The following CARNMT1 variants were observed in gnomAD, a reference collection of about 807,000 sequenced individuals.
CARNMT1 encodes protein-L-histidine N-pros-methyltransferase CARNMT1.
CARNMT1 carries 28 observed loss-of-function variants against 49.6 expected under a neutral mutation model. The ratio of observed to expected loss-of-function variants is 0.56; its 90% CI spans 0.42 to 0.77. The LOEUF (loss-of-function observed/expected upper bound fraction) is 0.77, where lower values mean the gene tolerates loss of function less well. Among genes scored for constraint, CARNMT1 ranks in the 30% least tolerant of loss-of-function variants. CARNMT1 has a pLI of 0.00. For synonymous variants in CARNMT1, 178 were observed against 175.0 expected, an observed-to-expected ratio of 1.02 and a Z score of -0.13; for missense variants, 421 against 512.6, an observed-to-expected ratio of 0.82 and a Z score of 1.73.
chr9:75,009,474 T>C (rs1380153858), intron 3 of CARNMT1, among the ~76,000 whole-genome samples: 1 of 152,098 alleles, frequency 6.6e-6, no homozygotes, highest in Non-Finnish European at 1.5e-5. Context: ...ATATTCCTAC[T>C]ACTCTGATGC....
intron 2 of CARNMT1, chr9:75,016,638 T>C: frequency 1.9e-6 from 1 of 524,282 alleles, no homozygotes; most frequent in Non-Finnish European, 3.3e-6. Context: ...TTAAGGTCCA[T>C]TAATCATAAA....
chr9:74,985,681 G>A (rs1832814738), intron 6 of CARNMT1, among the ~76,000 whole-genome samples: 1 of 152,072 alleles, frequency 6.6e-6, no homozygotes, highest in South Asian at 2.1e-4. Context: ...CCAGGTTCAA[G>A]TGATTTTCCT....
chr9:74,997,630 T>G (rs2118786299), intron 5 of CARNMT1, among the ~76,000 whole-genome samples: 1 of 152,206 alleles, frequency 6.6e-6, no homozygotes, highest in Middle Eastern at 3.4e-3. Flanking sequence ...TGCCTTCAAA[T>G]ATCTCAGTGG....
chr9:74,992,221 G>A (rs979795536), intron 6 of CARNMT1, among the ~76,000 whole-genome samples: 4 of 151,700 alleles, frequency 2.6e-5, no homozygotes, highest in African/African-American at 2.4e-5. Flanking sequence ...GCAGTGAGCC[G>A]AGATGGTACC....
intron 3 of CARNMT1, 163 bp downstream of exon 3, chr9:75,016,105 A>T: frequency 2.1e-6 from 1 of 485,666 alleles, no homozygotes; most frequent in Non-Finnish European, 3.6e-6. Flanking sequence ...TAACAACTGT[A>T]ATCTCACACA....
At chr9:74,995,474 T>C (rs949322120) in intron 6 of CARNMT1, among the ~76,000 whole-genome samples, 3 of 152,160 alleles carry the variant, frequency 2.0e-5, no homozygotes, top group Non-Finnish European at 4.4e-5. Flanking sequence ...AAAGAAGACT[T>C]ACAGTTTGGG....
chr9:74,998,868 A>T (rs1014942135), intron 4 of CARNMT1, 92 bp from the exon 5 acceptor site: 4 of 667,214 alleles, frequency 6.0e-6, no homozygotes, highest in Non-Finnish European at 9.2e-6. Context: ...TTAATTGAAG[A>T]TTTGCATATA....
intron 3 of CARNMT1, among the ~76,000 whole-genome samples, chr9:75,014,718 G>A (rs1390474902): frequency 6.6e-6 from 1 of 152,096 alleles, no homozygotes; most frequent in African/African-American, 2.4e-5. Context: ...ATAGTGGTAG[G>A]TGTCTGTAAT....
rs1832704402 is a variant in CARNMT1, at chr9:74,981,992, G to A, written c.*1775C>T. On this transcript the variant is annotated 3_prime_UTR_variant, in exon 8 of 8. Coordinates refer to ENST00000376834, the MANE Select transcript of CARNMT1 (RefSeq NM_152420.3). ...TTTCCACCAAATGAACATCTGCTAA[G>A]TATTGAGGGACACAAAAAAGAGAAA... 1 of 143,140 alleles carries A rather than the reference G, an allele frequency of 7.0e-6. No individual in the cohort carries two copies. Among genetic ancestry groups the A allele is most frequent in the South Asian group, 2.2e-4 (1 of 4,602 alleles). 8.9% of individuals were successfully genotyped at this position (143,140 alleles called of 1,614,324 possible). A position where few individuals can be genotyped will look rare whatever the true frequency, so the allele number is the denominator to read the frequency against.
chr9:74,992,007 C>T (rs749726462), intron 6 of CARNMT1, among the ~76,000 whole-genome samples: 10 of 152,164 alleles, frequency 6.6e-5, no homozygotes, highest in South Asian at 2.1e-4. Flanking sequence ...CACAGTGGCT[C>T]ACGCTTGTAA....
intron 1 of CARNMT1, chr9:75,027,352 G>C (rs1393354861): frequency 1.1e-6 from 1 of 899,170 alleles, no homozygotes. Context: ...CGTAAAGGCA[G>C]CTCTTATTGT....
chr9:75,023,322 A>G (rs142621715), intron 1 of CARNMT1, among the ~76,000 whole-genome samples: 3 of 152,316 alleles, frequency 2.0e-5, no homozygotes, highest in East Asian at 3.9e-4. Context: ...TCATTATTCA[A>G]TATCTCCGTA....
intron 1 of CARNMT1, among the ~76,000 whole-genome samples, chr9:75,019,635 C>T (rs1188690428): frequency 3.3e-5 from 5 of 152,238 alleles, no homozygotes; most frequent in African/African-American, 4.8e-5. Flanking sequence ...TTCCTTTCTA[C>T]TTACCATAGC....
At chr9:74,993,715 G>C (rs530688836) in intron 6 of CARNMT1, among the ~76,000 whole-genome samples, 117 of 140,318 alleles carry the variant, frequency 8.3e-4, no homozygotes, top group African/African-American at 2.9e-3. Context: ...AGGTACTACT[G>C]GAGTCTTAGA....
At chr9:75,025,314 T>A (rs1822491759) in intron 1 of CARNMT1, among the ~76,000 whole-genome samples, 1 of 152,216 alleles carries the variant, frequency 6.6e-6, no homozygotes. Context: ...AGCAGAGTGA[T>A]TATTTTAAGA....
intron 1 of CARNMT1, among the ~76,000 whole-genome samples, chr9:75,021,481 T>C (rs953850230): frequency 3.5e-4 from 51 of 147,502 alleles, no homozygotes; most frequent in African/African-American, 1.3e-3. Flanking sequence ...ATACTATATA[T>C]ATATATCTAC....
intron 7 of CARNMT1, 71 bp from the exon 8 acceptor site, chr9:74,983,939 A>G (rs954966182): frequency 2.0e-6 from 2 of 1,008,818 alleles, no homozygotes; most frequent in Non-Finnish European, 2.9e-6. Flanking sequence ...TTCTGAGCAC[A>G]TATGTATCAG....
At chr9:75,026,764 C>A (rs777690992) in intron 1 of CARNMT1, among the ~76,000 whole-genome samples, 2 of 152,182 alleles carry the variant, frequency 1.3e-5, no homozygotes, top group African/African-American at 2.4e-5. Flanking sequence ...ACTAAGCAAG[C>A]TTCTAAATTC....
At chr9:75,012,799 T>C (rs975755460) in intron 3 of CARNMT1, among the ~76,000 whole-genome samples, 2 of 151,414 alleles carry the variant, frequency 1.3e-5, no homozygotes, top group Non-Finnish European at 2.9e-5. Flanking sequence ...GCGTCTGTAG[T>C]CCTAGCTACT....
Sources: allele counts gnomAD v4.1 joint callset (sites outside exome capture counted in the v4.1 genomes callset), GRCh38; gene constraint gnomAD v4.1.1; transcripts MANE v1.5; gene names NCBI Gene and HGNC (gene_info 2026-07-23, HGNC 2026-07-21).